PLXNB3: variants seen among roughly 807,000 people sequenced by gnomAD.
PLXNB3 encodes plexin B3, also known as plexin-B3.
Under a neutral mutation model 125.7 loss-of-function variants are expected in PLXNB3, and 80 were observed. The ratio of observed to expected loss-of-function variants is 0.64; its 90% confidence interval spans 0.53 to 0.77. The LOEUF (loss-of-function observed/expected upper bound fraction) is 0.77, where lower values mean the gene tolerates loss of function less well. Among genes scored for constraint, PLXNB3 ranks in the 30% least tolerant of loss-of-function variants. PLXNB3 has a pLI of 0.00. For missense variants in PLXNB3, 1,836 were observed against 1,729.3 expected (o/e 1.06, Z -1.09); for synonymous variants, 954 against 783.3 (o/e 1.22, Z -3.64).
In PLXNB3 at chrX:153,778,677, G is replaced by A. The variant is rs372891006; in HGVS notation, c.5625+3G>A. ...ACATCCACAGGTACTATGATCAGGT[G>A]AGGCCCAGGGCACTCCGGAGGGGAG... On this transcript the variant is annotated splice_donor_region_variant and intron_variant, in intron 35 of 35. Transcript: ENST00000361971. 2 of 1,195,401 alleles carry A rather than the reference G, an allele frequency of 1.7e-6. No individual in the cohort carries two copies. The highest frequency in any genetic ancestry group is 2.2e-5 in the Admixed American group (1 of 44,753).
rs782772907 is a variant in PLXNB3 at position 153,769,020 on chromosome X, C to G, written c.1339C>G (p.Pro447Ala). The G allele has an allele frequency of 1.3e-5, 16 of 1,209,708 alleles. No individual in the cohort carries two copies. The highest frequency in any genetic ancestry group is 1.6e-5 in the Non-Finnish European group (14 of 894,290). Residue 447 changes from proline to alanine, a missense_variant, in exon 5 of 36, where the codon CCA becomes GCA. Transcript: ENST00000361971. The stretch of plus-strand genomic sequence containing the variant: ...GGGGCCTCCAGGCTCAGCCATCAGC[C>G]CAGACCTGCTGCTGGACAGCAGTGG... ...QVGPPGSAIS[P>A]DLLLDSSGSH...
At position 153,766,308 on chromosome X, in the gene PLXNB3, G is replaced by A. The variant is rs781990072; in HGVS notation, c.46-565G>A. 1.6e-4 allele frequency: 188 copies of A among 1,159,253 alleles called. No homozygotes were observed. The highest frequency in any genetic ancestry group is 1.2e-3 in the South Asian group (61 of 51,293). ...CTGCGGAGGGTTCCTCCTTGCAGCC[G>A]GCCCTGGCTGCCCAAGGCAGGTTTT... On this transcript the variant is annotated intron_variant, in intron 2 of 35. Transcript: ENST00000361971.
At chrX:153,766,806 C>T in intron 2 of PLXNB3, 67 bp from the exon 3 acceptor site, 1 of 1,115,128 alleles carries the variant, frequency 9.0e-7, no homozygotes, top group South Asian at 2.2e-5. Flanking sequence ...TCCACCCCAC[C>T]TTCCACCTTC....
Position 153,775,612 on chromosome X carries a change from G to C in PLXNB3, c.4353G>C (p.Glu1451Asp), listed in dbSNP as rs368710818. The change falls in exon 26 of 36, where the codon GAG (glutamate) becomes GAC (aspartate). Residue 1451 changes from glutamate (E) to aspartate (D), a missense_variant. Physicochemically the swap from Glu to Asp is conservative, Grantham distance 45 (BLOSUM62 2). Coordinates refer to ENST00000361971, the MANE Select transcript of PLXNB3 (RefSeq NM_005393.3). ...LMLRRTETMVEKLLTNWLSIC... is the reference protein window; with the variant it reads ...LMLRRTETMVDKLLTNWLSIC... ...CCCGCAGGACAGAGACCATGGTGGAGAAACTGCTCACCAACTGGCTGTCCA... is the reference window on the plus strand; with the variant it reads ...CCCGCAGGACAGAGACCATGGTGGACAAACTGCTCACCAACTGGCTGTCCA... 8.3e-7 allele frequency: 1 copy of C among 1,211,094 alleles called. No individual in the cohort carries two copies.
At position 153,773,435 on chromosome X, in the gene PLXNB3, G is replaced by C. The variant is rs782162832; in HGVS notation, c.3083+29G>C. Reference sequence around the variant, plus strand: ...AGGGTCAGCCCGCAGGCCAGCCTGTGCACCACGCAGGAGGGAAGGTGGGAT... The same window carrying C: ...AGGGTCAGCCCGCAGGCCAGCCTGTCCACCACGCAGGAGGGAAGGTGGGAT... On this transcript the variant is annotated intron_variant, in intron 18 of 35. Transcript: ENST00000361971. 3.4e-6 allele frequency: 4 copies of C among 1,190,638 alleles called. No homozygotes were observed. The Admixed American group carries it at 8.9e-5, about 27-fold the overall frequency.
At chrX:153,772,545 G>A (rs1305809811) in intron 16 of PLXNB3, among the ~76,000 whole-genome samples, 2 of 111,802 alleles carry the variant, frequency 1.8e-5, no homozygotes, top group Non-Finnish European at 3.8e-5. Flanking sequence ...AGCAGTGAGG[G>A]CAGGGGTGGG....
chrX:153,775,265 G>A lies in PLXNB3; in HGVS notation c.4196G>A (p.Arg1399Lys), dbSNP rs782576689. Residue 1399 changes from arginine to lysine, a missense_variant, in exon 25 of 36, where the codon AGG (arginine) becomes AAG (lysine). Arg to Lys is a conservative substitution (Grantham distance 26). Transcript: ENST00000361971. ...TLEEQPSFSQ[R>K]DRCHVASLLS... Reference sequence around the variant, plus strand: ...GAGGAGCAGCCCAGCTTTTCCCAGAGGGATCGCTGCCATGTGGCTTCGCTG... The same window carrying A: ...GAGGAGCAGCCCAGCTTTTCCCAGAAGGATCGCTGCCATGTGGCTTCGCTG... 5.8e-6 allele frequency: 7 copies of A among 1,201,944 alleles called. No homozygotes were observed. Among genetic ancestry groups the A allele is most frequent in the Non-Finnish European group, 7.9e-6 (7 of 891,008 alleles).
At chrX:153,771,817 G>A (rs781903131) in intron 14 of PLXNB3, 47 bp from the exon 15 acceptor site, 4 of 1,182,155 alleles carry the variant, frequency 3.4e-6, no homozygotes, top group African/African-American at 3.5e-5. Flanking sequence ...CTGCAGAGTG[G>A]AGCGTGGGTG....
At position 153,770,595 on chromosome X, in the gene PLXNB3, G is replaced by A. The variant is rs782559344; in HGVS notation, c.1963G>A (p.Gly655Arg). 5.5e-5 allele frequency: 66 copies of A among 1,210,623 alleles called. No individual in the cohort carries two copies. The highest frequency in any genetic ancestry group is 7.0e-5 in the South Asian group (4 of 56,952). The change falls in exon 10 of 36, where the codon GGA becomes AGA. Residue 655 changes from glycine to arginine, a missense_variant. Coordinates refer to ENST00000361971, the MANE Select transcript of PLXNB3 (RefSeq NM_005393.3). ...CCCGCAGAGTAGCCACTGCGTGTAC[G>A]GAGAGCACTGCCCAGAGGGCGAGAG... is the stretch of plus-strand genomic sequence containing the variant. Reference protein sequence around the residue: ...WCPQSSHCVYGEHCPEGERTI... With the variant: ...WCPQSSHCVYREHCPEGERTI...
At chrX:153,776,506 G>A (rs781837221) in intron 28 of PLXNB3, 47 bp downstream of exon 28, 7 of 321,601 alleles carry the variant, frequency 2.2e-5, no homozygotes, top group Non-Finnish European at 3.1e-5. Flanking sequence ...GGGCGGGGCA[G>A]GGCGAGGCAG....
intron 7 of PLXNB3, 47 bp from the exon 8 acceptor site, chrX:153,770,045 C>A: frequency 1.7e-6 from 2 of 1,200,905 alleles, no homozygotes; most frequent in South Asian, 3.6e-5. Context: ...CCTCTGCTGC[C>A]CCCTCTCTCT....
rs782764739 is a variant in PLXNB3, at chrX:153,766,982, C to T, written c.155C>T (p.Thr52Ile). 3.2e-5 allele frequency: 39 copies of T among 1,209,242 alleles called. No homozygotes were observed. The South Asian group carries it at 6.5e-4, about 20-fold the overall frequency. The part of the protein sequence containing the change: ...TGAHRFSAPN[T>I]TLNHLALAPG... ...GCCCATCGCTTCTCCGCACCTAATA[C>T]CACTCTCAACCACTTGGCACTGGCA... The change falls in exon 3 of 36, where the codon ACC becomes ATC. Residue 52 changes from threonine to isoleucine, a missense_variant. By Grantham distance (89) the Thr-to-Ile change is moderately conservative (BLOSUM62 -1). Transcript: ENST00000361971.
At chrX:153,773,106 AC>A in intron 17 of PLXNB3, 90 bp downstream of exon 17, 1 of 1,072,413 alleles carries the variant, frequency 9.3e-7, no homozygotes, top group Non-Finnish European at 1.2e-6. Flanking sequence ...TGCTGTGGCC[AC>A]CCCCAGTGGT....
In PLXNB3 at chrX:153,770,457, G is replaced by C. The variant is rs782817781; in HGVS notation, c.1895+11G>C. 2 of 1,203,048 alleles carry C rather than the reference G, an allele frequency of 1.7e-6. No individual in the cohort carries two copies. Among genetic ancestry groups the C allele is most frequent in the Non-Finnish European group, 2.3e-6 (2 of 888,868 alleles). On this transcript the variant is annotated intron_variant, in intron 9 of 35. Coordinates refer to ENST00000361971, the MANE Select transcript of PLXNB3 (RefSeq NM_005393.3). ...GGAGGCGGCTGCCCCGTGAGTCCCT[G>C]GGCCTGCCTCCTGGGGTAGGGGTGG... is the stretch of plus-strand genomic sequence containing the variant.
At position 153,771,334 on chromosome X, in the gene PLXNB3, G is replaced by C. The variant is rs782552228; in HGVS notation, c.2278G>C (p.Glu760Gln). ...HQFYPSMSQR[E>Q]LPVPIYVTQG... is the part of the protein sequence containing the mutation. ...GTTTTATCCCTCCATGTCCCAGCGG[G>C]AGCTCCCAGTGCCCATCTACGTCAC... is the stretch of plus-strand genomic sequence containing the variant. Residue 760 changes from glutamate to glutamine, a missense_variant, in exon 13 of 36, where the codon GAG becomes CAG. Transcript: ENST00000361971. The C allele has an allele frequency of 4.1e-6, 5 of 1,209,859 alleles. No individual in the cohort carries two copies. The highest frequency in any genetic ancestry group is 5.6e-6 in the Non-Finnish European group (5 of 893,987).
At chrX:153,765,433 G>A (rs2091846789) in intron 1 of PLXNB3, 38 bp from the exon 2 acceptor site, 2 of 1,054,369 alleles carry the variant, frequency 1.9e-6, no homozygotes, top group African/African-American at 1.8e-5. Flanking sequence ...AGGCCAGCTC[G>A]AATGGGGCTG....
Position 153,768,929 on chromosome X carries a change from T to C in PLXNB3, c.1267-19T>C. ...CCTTTGGCCATCTGGCCCAGCCTCG[T>C]CCTTGTCCCCCCACTCAGGTCTTTC... On this transcript the variant is annotated intron_variant, in intron 4 of 35. Transcript: ENST00000361971. The C allele has an allele frequency of 8.3e-7, 1 of 1,207,676 alleles. No individual in the cohort carries two copies. Among genetic ancestry groups the C allele is most frequent in the Non-Finnish European group, 1.1e-6 (1 of 893,280 alleles).
rs1603251960 is a variant in PLXNB3, at chrX:153,779,082, A to G, written c.*43A>G. 1.0e-6 allele frequency: 1 copy of G among 974,190 alleles called. No individual in the cohort carries two copies. The highest frequency in any genetic ancestry group is 3.3e-5 in the East Asian group (1 of 30,171). 80.3% of individuals were successfully genotyped at this position (974,190 alleles called of 1,213,427 possible). ...AGCAAGCCGGATCCACCAACACCGC[A>G]GCGCCTTATGACCCCGGAACCGAGC... is the stretch of plus-strand genomic sequence containing the variant. On this transcript the variant is annotated 3_prime_UTR_variant, in exon 36 of 36. Coordinates refer to ENST00000361971, the MANE Select transcript of PLXNB3 (RefSeq NM_005393.3).
In PLXNB3 at chrX:153,774,861, G is replaced by C; in HGVS notation, c.3932-19G>C. On this transcript the variant is annotated intron_variant, in intron 23 of 35. Transcript: ENST00000361971. ...CCACGAGGCCTGAACTCACACCTCG[G>C]CGCCTCCTGGCCCCGCAGACCTCAT... 2 of 1,205,817 alleles carry C rather than the reference G, an allele frequency of 1.7e-6. No individual in the cohort carries two copies. Among genetic ancestry groups the C allele is most frequent in the South Asian group, 3.6e-5 (2 of 55,940 alleles).
Sources: gnomAD v4.1 joint callset for allele counts (sites outside exome capture counted in the v4.1 genomes callset) on GRCh38, gnomAD v4.1.1 for gene constraint, MANE v1.5 for transcripts, NCBI Gene and HGNC (gene_info 2026-07-23, HGNC 2026-07-21) for gene names.